The following CGGBP1 variants were observed in gnomAD, a reference collection of about 807,000 sequenced individuals.
The protein encoded by CGGBP1 is CGG triplet repeat-binding protein 1.
CGGBP1 carries 4 observed loss-of-function variants against 11.4 expected under a neutral mutation model. The ratio of observed to expected loss-of-function variants is 0.35; its 90% CI spans 0.17 to 0.80. The LOEUF is 0.80. CGGBP1 is among the 30% of genes least tolerant of loss of function. The probability of loss-of-function intolerance (pLI) is 0.52; values close to 1 mark genes in which losing one functional copy is unlikely to be tolerated. For synonymous variants in CGGBP1, 76 were observed against 74.1 expected (o/e 1.03, Z -0.13); for missense variants, 135 against 202.1 (o/e 0.67, Z 2.01).
In CGGBP1 at chr3:88,058,013, G is replaced by A. The variant is rs1458794116; in HGVS notation, c.-126+6C>T. 1.3e-5 allele frequency: 2 copies of A among 152,320 alleles called. No homozygotes were observed. Among genetic ancestry groups the A allele is most frequent in the Admixed American group, 6.5e-5 (1 of 15,300 alleles). The allele number at this position is 152,320 out of a possible 1,614,324, so 9.4% of individuals were successfully genotyped here. A position where few individuals can be genotyped will look rare whatever the true frequency, so the allele number is the denominator to read the frequency against. Reference sequence around the variant, plus strand: ...TCATCATAAGTTTTCAAGTTTAAATGTTTACCGGATTAGTTTCCAGTTTTT... The same window carrying A: ...TCATCATAAGTTTTCAAGTTTAAATATTTACCGGATTAGTTTCCAGTTTTT... On this transcript the variant is annotated splice_donor_region_variant and intron_variant, in intron 2 of 3. Coordinates refer to ENST00000482016, the MANE Select transcript of CGGBP1 (RefSeq NM_001008390.2).
At chr3:88,059,260 A>G (rs1417273819), upstream of CGGBP1, 85 of 1,531,114 alleles carry the variant, frequency 5.6e-5, no homozygotes, top group East Asian at 7.8e-4. Context: ...AGGTTAGCCT[A>G]GGCATCTACG....
At position 88,108,083 on chromosome 3, in the gene CGGBP1, G is replaced by A. The variant is rs372789982; in HGVS notation, c.-229+32887C>T. Among the ~76,000 whole-genome samples the A allele has an allele frequency of 8.5e-5, 13 of 152,072 alleles. No individual in the cohort carries two copies. In the East Asian group the frequency reaches 2.1e-3, roughly 25 times the overall value. On this transcript the variant is annotated intron_variant, in intron 2 of 3. Coordinates refer to the CGGBP1 transcript ENST00000462901. ...AAAGAATTTGCATTTGTTTTTGTCA[G>A]GTGCCTGGAGATATTACTAGCTTGG...
Position 88,052,087 on chromosome 3 carries a change from C to G in CGGBP1, c.*3386G>C, listed in dbSNP as rs1250389931. The G allele has an allele frequency of 6.6e-6, 1 of 152,490 alleles. No individual in the cohort carries two copies. The highest frequency in any genetic ancestry group is 1.9e-4 in the East Asian group (1 of 5,194). The allele number at this position is 152,490 out of a possible 1,614,324, so 9.4% of individuals were successfully genotyped here. A position where few individuals can be genotyped will look rare whatever the true frequency, so the allele number is the denominator to read the frequency against. On this transcript the variant is annotated 3_prime_UTR_variant, in exon 4 of 4. Coordinates refer to ENST00000482016, the MANE Select transcript of CGGBP1 (RefSeq NM_001008390.2). ...TTAGAAGTGACACATTTATACTAAG[C>G]ATACATGCGTGAGCAAAAAAAATAA...
Position 88,054,602 on chromosome 3 carries a change from A to C in CGGBP1, c.*871T>G, listed in dbSNP as rs1460373184. ...TTTATCTGATCTGTCAGCCAAAAAA[A>C]AATTACTAATTCTCTATAATAAAGA... On this transcript the variant is annotated 3_prime_UTR_variant, in exon 4 of 4. Coordinates refer to ENST00000482016, the MANE Select transcript of CGGBP1 (RefSeq NM_001008390.2). The C allele has an allele frequency of 6.6e-6, 1 of 152,468 alleles. No homozygotes were observed. Among genetic ancestry groups the C allele is most frequent in the Non-Finnish European group, 1.5e-5 (1 of 68,032 alleles). 9.4% of individuals were successfully genotyped at this position (152,468 alleles called of 1,614,324 possible). A position where few individuals can be genotyped will look rare whatever the true frequency, so the allele number is the denominator to read the frequency against.
intron 2 of CGGBP1, among the ~76,000 whole-genome samples, chr3:88,118,967 G>A (rs1349855662): frequency 1.3e-5 from 2 of 149,134 alleles, no homozygotes; most frequent in Admixed American, 6.7e-5. Flanking sequence ...CATTGTGGAA[G>A]TCAGTGTGGC....
rs1475549013 is a variant in CGGBP1, at chr3:88,055,667, T to C, written c.310A>G (p.Ile104Val). ...AGGCACATTTTCACAAAGTCCTGGA[T>C]AACACTGACTTTCTCTGTTTGCGCA... ...STAQTEKVSV[I>V]QDFVKMCLEA... The change falls in exon 4 of 4, where the codon ATC (isoleucine) becomes GTC (valine). Residue 104 changes from isoleucine (I) to valine (V), a missense_variant. Coordinates refer to ENST00000482016, the MANE Select transcript of CGGBP1 (RefSeq NM_001008390.2). This position sits in a 1 kb window ranked among gnomAD's most constrained non-coding sequence, Gnocchi z 4.2. The C allele has an allele frequency of 4.3e-6, 7 of 1,614,096 alleles. No homozygotes were observed. The African/African-American group carries it at 9.3e-5, about 22-fold the overall frequency.
At chr3:88,083,128 A>G (rs1708167185) in intron 2 of CGGBP1, among the ~76,000 whole-genome samples, 1 of 151,270 alleles carries the variant, frequency 6.6e-6, no homozygotes, top group Non-Finnish European at 1.5e-5. Flanking sequence ...CACCTTTATG[A>G]CCTCATTTAA....
chr3:88,129,998 T>C (rs1238039436), intron 2 of CGGBP1, among the ~76,000 whole-genome samples: 1 of 152,152 alleles, frequency 6.6e-6, no homozygotes, highest in Non-Finnish European at 1.5e-5. Context: ...TAAAAAGAAA[T>C]GATAATGTGC....
At chr3:88,089,086 A>G (rs540451124) in intron 2 of CGGBP1, among the ~76,000 whole-genome samples, 2 of 151,436 alleles carry the variant, frequency 1.3e-5, no homozygotes, top group South Asian at 2.1e-4. Context: ...AAAAAACTGT[A>G]TTAAAAAAAT....
At chr3:88,077,204 GAATTTTTGTTGTTT>G (rs1707853054) in intron 2 of CGGBP1, among the ~76,000 whole-genome samples, 1 of 152,094 alleles carries the variant, frequency 6.6e-6, no homozygotes, top group African/African-American at 2.4e-5. Context: ...GATTGTGAAT[GAATTTTTGTTGTTT>G]AGCCTTCTCA....
chr3:88,089,203 A>C (rs1708507122), intron 2 of CGGBP1, among the ~76,000 whole-genome samples: 1 of 151,472 alleles, frequency 6.6e-6, no homozygotes, highest in Non-Finnish European at 1.5e-5. Context: ...AAAAAAAAAA[A>C]AAAAAAGCCC....
chr3:88,128,542 AT>A (rs201429875), intron 2 of CGGBP1, among the ~76,000 whole-genome samples: 2 of 151,724 alleles, frequency 1.3e-5, no homozygotes, highest in African/African-American at 2.4e-5. Context: ...AAGAAAAAAA[AT>A]TTTTTTTTAA....
At chr3:88,115,255 T>C (rs1279632823) in intron 2 of CGGBP1, among the ~76,000 whole-genome samples, 1 of 152,208 alleles carries the variant, frequency 6.6e-6, no homozygotes, top group Non-Finnish European at 1.5e-5. Context: ...AAGGTATTCT[T>C]TGTTGGATTT....
intron 2 of CGGBP1, among the ~76,000 whole-genome samples, chr3:88,122,393 G>A (rs1401989966): frequency 1.3e-5 from 2 of 152,198 alleles, no homozygotes; most frequent in Non-Finnish European, 2.9e-5. Flanking sequence ...GACGGATCCA[G>A]ACCAATTATG....
At chr3:88,139,107 G>T in intron 2 of CGGBP1, 1 of 1,266,632 alleles carries the variant, frequency 7.9e-7, no homozygotes, top group Non-Finnish European at 9.9e-7. Context: ...AAGCACACTG[G>T]AAAATAATGC....
intron 1 of CGGBP1, among the ~76,000 whole-genome samples, chr3:88,148,559 C>T (rs1707350210): frequency 6.6e-6 from 1 of 152,150 alleles, no homozygotes; most frequent in Non-Finnish European, 1.5e-5. Flanking sequence ...TAAATGGTAC[C>T]CCAATAACAT....
rs2107663184 is a variant in CGGBP1, at chr3:88,086,724, T to A, written c.-228-28501A>T. Among the ~76,000 whole-genome samples the A allele has an allele frequency of 3.3e-5, 5 of 152,332 alleles. No individual in the cohort carries two copies. In the Middle Eastern group the frequency reaches 0.014, roughly 415 times the overall value. ...ATACAGCAGTTTAGGCTATGATAGT[T>A]ACCAGAGAGACCTTAAATCAGGTCA... On this transcript the variant is annotated intron_variant, in intron 2 of 3. Transcript: ENST00000462901.
chr3:88,090,141 C>T (rs1708557090), intron 2 of CGGBP1, among the ~76,000 whole-genome samples: 1 of 151,774 alleles, frequency 6.6e-6, no homozygotes, highest in Admixed American at 6.6e-5. Context: ...TAGAGTGTAC[C>T]TCTTCTACCT....
intron 2 of CGGBP1, among the ~76,000 whole-genome samples, chr3:88,078,020 GTA>G (rs961895239): frequency 3.9e-5 from 6 of 152,040 alleles, no homozygotes; most frequent in Non-Finnish European, 8.8e-5. Flanking sequence ...AAATTTCTTT[GTA>G]TTTAATATAA....
Sources: allele counts gnomAD v4.1 joint callset (sites outside exome capture counted in the v4.1 genomes callset), GRCh38; gene constraint gnomAD v4.1.1; non-coding constraint Gnocchi (gnomAD v3.1); transcripts MANE v1.5; gene names NCBI Gene and HGNC (gene_info 2026-07-23, HGNC 2026-07-21).